SETDB2: variants seen among roughly 807,000 people sequenced by gnomAD.
SETDB2 encodes the protein SET domain bifurcated histone lysine methyltransferase 2.
SETDB2 carries 56 observed loss-of-function variants against 82.5 expected under a neutral mutation model. The ratio of observed to expected loss-of-function variants is 0.68; its 90% CI spans 0.55 to 0.85. The LOEUF (loss-of-function observed/expected upper bound fraction) is 0.85. Ranked by LOEUF, SETDB2 falls within the 40% of genes least tolerant of loss-of-function variation. The probability of loss-of-function intolerance (pLI) is 0.00; values close to 1 mark genes in which losing one functional copy is unlikely to be tolerated. For synonymous variants in SETDB2, 272 were observed against 284.9 expected (o/e 0.95, Z 0.46); for missense variants, 677 against 816.4 (o/e 0.83, Z 2.08).
Position 49,492,080 on chromosome 13 carries a change from A to G in SETDB2, c.*231A>G, listed in dbSNP as rs889684783. 6.7e-6 allele frequency: 3 copies of G among 444,586 alleles called. No individual in the cohort carries two copies. Among genetic ancestry groups the G allele is most frequent in the Admixed American group, 6.8e-5 (2 of 29,326 alleles). 27.5% of individuals were successfully genotyped at this position (444,586 alleles called of 1,614,324 possible). On this transcript the variant is annotated 3_prime_UTR_variant, in exon 14 of 14. Transcript: ENST00000611815. ...TGCTGTGCTACTTTACATGAGTAGG[A>G]TGGAAGTGTATATTTTATATGAAAT...
chr13:49,480,452 A>ATT, intron 7 of SETDB2, 117 bp downstream of exon 7: 2 of 638,706 alleles, frequency 3.1e-6, no homozygotes, highest in Non-Finnish European at 5.4e-6. Context: ...CTAATACCAA[A>ATT]AATCTAAATT....
chr13:49,491,067 A>G (rs1958701828), intron 13 of SETDB2, among the ~76,000 whole-genome samples, 157 bp downstream of exon 13: 1 of 152,206 alleles, frequency 6.6e-6, no homozygotes, highest in Non-Finnish European at 1.5e-5. Context: ...AGCCAGAGCC[A>G]CATGGCGAAA....
intron 1 of SETDB2, chr13:49,446,512 G>T: frequency 2.7e-6 from 1 of 375,950 alleles, no homozygotes; most frequent in Non-Finnish European, 5.2e-6. Context: ...CTATATAGGT[G>T]AATATATACA....
chr13:49,448,796 T>C (rs1017450508), intron 1 of SETDB2, among the ~76,000 whole-genome samples: 5 of 152,224 alleles, frequency 3.3e-5, no homozygotes, highest in Non-Finnish European at 7.3e-5. Context: ...TCCTTTATAC[T>C]CTGGTTTTTT....
chr13:49,462,408 T>A (rs751305341), intron 4 of SETDB2, among the ~76,000 whole-genome samples: 1 of 152,184 alleles, frequency 6.6e-6, no homozygotes, highest in African/African-American at 2.4e-5. Context: ...CAGAAGTTCT[T>A]ATGTCAGGAA....
At chr13:49,454,867 A>AT (rs35918643) in intron 2 of SETDB2, among the ~76,000 whole-genome samples, 20 of 149,578 alleles carry the variant, frequency 1.3e-4, no homozygotes, top group Middle Eastern at 3.4e-3. Context: ...GTGGTTCTCA[A>AT]TTTTTTTTTT....
intron 11 of SETDB2, 168 bp downstream of exon 11, chr13:49,485,891 A>T (rs760229034): frequency 1.3e-5 from 10 of 754,330 alleles, no homozygotes; most frequent in Non-Finnish European, 2.4e-5. Flanking sequence ...GTGTGGGCCA[A>T]ATCTGGCCCT....
chr13:49,451,581 A>G lies in SETDB2; in HGVS notation c.-313A>G, dbSNP rs1447926991. ...GTTTCATCCATTTGTGGACCAAAAG[A>G]TGGAGTTGGTTTTTATTTTTAAAAA... On this transcript the variant is annotated 5_prime_UTR_variant, in exon 2 of 14. The change abolishes an upstream ATG in the 5' untranslated region. Coordinates refer to ENST00000611815, the MANE Select transcript of SETDB2 (RefSeq NM_001160308.3). The G allele has an allele frequency of 5.9e-6, 1 of 170,322 alleles. No homozygotes were observed. The allele number at this position is 170,322 out of a possible 1,614,324, so 10.6% of individuals were successfully genotyped here.
Position 49,488,539 on chromosome 13 carries a change from A to G in SETDB2, c.1826A>G (p.Asn609Ser). Residue 609 changes from asparagine to serine, a missense_variant, in exon 12 of 14, where the codon AAT becomes AGT. This residue lies in a region of SETDB2 where 420 missense variants were observed against 554.6 expected (regional missense o/e 0.76). Coordinates refer to ENST00000611815, the MANE Select transcript of SETDB2 (RefSeq NM_001160308.3). The stretch of plus-strand genomic sequence containing the variant: ...GAAGAGTTGCTAAGTGAAACCAAGA[A>G]TACTTCATCTGATTCTCTAACAAAG... ...CDEELLSETK[N>S]TSSDSLTKFN... is the part of the protein sequence containing the mutation. 1.2e-6 allele frequency: 2 copies of G among 1,613,850 alleles called. No homozygotes were observed. The highest frequency in any genetic ancestry group is 8.5e-7 in the Non-Finnish European group (1 of 1,179,926).
intron 6 of SETDB2, 69 bp from the exon 7 acceptor site, chr13:49,480,150 T>C (rs1958449273): frequency 1.0e-6 from 1 of 982,796 alleles, no homozygotes. Context: ...TTTACACATT[T>C]ATCAAGACAG....
intron 4 of SETDB2, among the ~76,000 whole-genome samples, chr13:49,461,551 C>G (rs1187658889): frequency 2.0e-5 from 3 of 152,162 alleles, no homozygotes; most frequent in African/African-American, 7.2e-5. Flanking sequence ...TTCTAGATTG[C>G]TTTTAGACCA....
intron 13 of SETDB2, 69 bp downstream of exon 13, chr13:49,490,979 G>A: frequency 7.8e-7 from 1 of 1,281,310 alleles, no homozygotes; most frequent in Non-Finnish European, 1.1e-6. Flanking sequence ...AGGGCTGAGT[G>A]CTGTGGCTCA....
intron 5 of SETDB2, among the ~76,000 whole-genome samples, chr13:49,471,949 T>A (rs1426438219): frequency 2.1e-5 from 3 of 144,868 alleles, no homozygotes; most frequent in African/African-American, 2.5e-5. Flanking sequence ...TTTTTTTTTT[T>A]AAATAGAGAC....
At chr13:49,482,352 G>C in intron 8 of SETDB2, 1 of 983,758 alleles carries the variant, frequency 1.0e-6, no homozygotes, top group Non-Finnish European at 1.2e-6. Flanking sequence ...AGGTACTTTT[G>C]TTAAAAATTT....
rs1268649247 is a variant in SETDB2 at position 49,444,312 on chromosome 13, C to T, written c.-887C>T. 1.6e-5 allele frequency: 5 copies of T among 319,848 alleles called. No individual in the cohort carries two copies. Among genetic ancestry groups the T allele is most frequent in the South Asian group, 7.2e-5 (3 of 41,818 alleles). 19.8% of individuals were successfully genotyped at this position (319,848 alleles called of 1,614,324 possible). A position where few individuals can be genotyped will look rare whatever the true frequency, so the allele number is the denominator to read the frequency against. On this transcript the variant is annotated 5_prime_UTR_variant, in exon 1 of 14. Transcript: ENST00000611815. Reference sequence around the variant, plus strand: ...TCCCTCATCCCCGGTAGAGGCAGGGCGGGACTGTTGTGGTTGAGATGAAGG... The same window carrying T: ...TCCCTCATCCCCGGTAGAGGCAGGGTGGGACTGTTGTGGTTGAGATGAAGG...
At chr13:49,482,131 AG>A (rs1958491891) in intron 8 of SETDB2, 1 of 985,308 alleles carries the variant, frequency 1.0e-6, no homozygotes, top group Non-Finnish European at 1.2e-6. Context: ...GTGTCCAGGA[AG>A]TATCATTGGT....
chr13:49,454,945 A>G (rs1428770845), intron 2 of SETDB2, among the ~76,000 whole-genome samples: 1 of 152,146 alleles, frequency 6.6e-6, no homozygotes, highest in Non-Finnish European at 1.5e-5. Context: ...TATGTGGGTA[A>G]CATCTGTTGA....
At chr13:49,467,183 A>C (rs1594150349) in intron 4 of SETDB2, among the ~76,000 whole-genome samples, 1 of 152,170 alleles carries the variant, frequency 6.6e-6, no homozygotes, top group South Asian at 2.1e-4. Flanking sequence ...GGATCACTTG[A>C]GGTCAGGAGT....
At chr13:49,491,304 T>C (rs1357158235) in intron 13 of SETDB2, among the ~76,000 whole-genome samples, 1 of 152,216 alleles carries the variant, frequency 6.6e-6, no homozygotes, top group Non-Finnish European at 1.5e-5. Flanking sequence ...TTCAATAAGA[T>C]TTTGCACACC....
Sources: allele counts gnomAD v4.1 joint callset (sites outside exome capture counted in the v4.1 genomes callset), GRCh38; gene constraint gnomAD v4.1.1; regional missense constraint gnomAD v4.1.1; transcripts MANE v1.5; gene names NCBI Gene and HGNC (gene_info 2026-07-23, HGNC 2026-07-21).